The following LARGE1 variants were observed in gnomAD, a reference collection of about 807,000 sequenced individuals.
LARGE1 encodes LARGE xylosyl- and glucuronyltransferase 1.
LARGE1 carries 43 observed loss-of-function variants against 87.6 expected under a neutral mutation model. The ratio of observed to expected loss-of-function variants is 0.49; its 90% CI spans 0.38 to 0.63. The LOEUF (loss-of-function observed/expected upper bound fraction) is 0.63. Ranked by LOEUF, LARGE1 falls within the 30% of genes least tolerant of loss-of-function variation. The probability of loss-of-function intolerance (pLI) is 0.00; values close to 1 mark genes in which losing one functional copy is unlikely to be tolerated. For synonymous variants in LARGE1, 434 were observed against 394.6 expected, an observed-to-expected ratio of 1.10 and a Z score of -1.18; for missense variants, 802 against 1,000.2, an observed-to-expected ratio of 0.80 and a Z score of 2.67.
At chr22:33,279,854 G>T (rs1263086366) in intron 13 of LARGE1, among the ~76,000 whole-genome samples, 1 of 152,214 alleles carries the variant, frequency 6.6e-6, no homozygotes, top group African/African-American at 2.4e-5. Flanking sequence ...ACAGCTGATG[G>T]CCGTGAACTT....
At position 33,362,954 on chromosome 22, in the gene LARGE1, T is replaced by C. The variant is rs1314595537; in HGVS notation, c.1131+18965A>G. 2.7e-5 allele frequency among the ~76,000 whole-genome samples: 4 copies of C among 150,180 alleles called. 1 individual carries two copies. Among genetic ancestry groups the C allele is most frequent in the African/African-American group, 9.8e-5 (4 of 40,832 alleles). ...CATGAGGGTGGTTTATGCAAGATAA[T>C]ACAGCACTCAATTAGCAGATCAAAA... On this transcript the variant is annotated intron_variant, in intron 9 of 14. Coordinates refer to ENST00000397394, the MANE Select transcript of LARGE1 (RefSeq NM_133642.5).
At chr22:33,173,350 A>G (rs1278132037) in intron 11 of LARGE1, among the ~76,000 whole-genome samples, 1 of 152,240 alleles carries the variant, frequency 6.6e-6, no homozygotes, top group East Asian at 1.9e-4. Context: ...CTCCTGAAGG[A>G]AGCATTAAAC....
At position 33,595,477 on chromosome 22, in the gene LARGE1, G is replaced by A. The variant is rs563968524; in HGVS notation, c.615+8958C>T. Among the ~76,000 whole-genome samples the A allele has an allele frequency of 1.9e-4, 29 of 152,294 alleles. 1 individual carries two copies. Among genetic ancestry groups the A allele is most frequent in the Admixed American group, 1.6e-3 (25 of 15,296 alleles). On this transcript the variant is annotated intron_variant, in intron 5 of 14. Transcript: ENST00000397394. ...AGAGAATGTCTCTGTCTATGGGATGGAGACACAATGGGGAGCACATTTAAG... is the reference window on the plus strand; with the variant it reads ...AGAGAATGTCTCTGTCTATGGGATGAAGACACAATGGGGAGCACATTTAAG...
At chr22:33,451,307 G>A (rs950592781) in intron 6 of LARGE1, among the ~76,000 whole-genome samples, 56 of 151,956 alleles carry the variant, frequency 3.7e-4, no homozygotes, top group African/African-American at 1.3e-3. Flanking sequence ...CTATATGCGC[G>A]TAGGTGACCA....
chr22:33,744,190 A>G (rs1047967899), intron 2 of LARGE1: 1 of 152,224 alleles, frequency 6.6e-6, no homozygotes, highest in Non-Finnish European at 1.5e-5. Context: ...AGTATCTGCA[A>G]TTTGCTGAGA....
At chr22:33,840,834 G>C (rs761121894) in intron 1 of LARGE1, among the ~76,000 whole-genome samples, 2 of 152,088 alleles carry the variant, frequency 1.3e-5, no homozygotes, top group Non-Finnish European at 2.9e-5. Flanking sequence ...CGTTGCCCAG[G>C]CTGGTCTCGA....
rs112443867 is a variant in LARGE1 at position 33,377,908 on chromosome 22, C to T, written c.1131+4011G>A. 2.8e-3 allele frequency among the ~76,000 whole-genome samples: 430 copies of T among 152,252 alleles called. 1 individual carries two copies. Among genetic ancestry groups the T allele is most frequent in the Middle Eastern group, 6.8e-3 (2 of 294 alleles). ...CTAAAAATACTATTTAATCCAAATACGGCTATTCATTTTTTGAGAATCTAC... is the reference window on the plus strand; with the variant it reads ...CTAAAAATACTATTTAATCCAAATATGGCTATTCATTTTTTGAGAATCTAC... On this transcript the variant is annotated intron_variant, in intron 9 of 14. Transcript: ENST00000397394.
chr22:33,659,220 CAT>C (rs2081055003), intron 2 of LARGE1, among the ~76,000 whole-genome samples: 2 of 152,172 alleles, frequency 1.3e-5, no homozygotes, highest in Admixed American at 6.5e-5. Context: ...TTTCATTCTC[CAT>C]ATGAGACTAT....
At chr22:33,102,582 C>T in the LARGE1 span, among the ~76,000 whole-genome samples, 2 of 151,434 alleles carry the variant, frequency 1.3e-5, no homozygotes, top group African/African-American at 2.4e-5. Flanking sequence ...CTCCGCCTCC[C>T]GGGTTCAAGT....
At chr22:33,467,095 A>C (rs182939715) in intron 6 of LARGE1, among the ~76,000 whole-genome samples, 18 of 152,278 alleles carry the variant, frequency 1.2e-4, no homozygotes, top group Non-Finnish European at 1.6e-4. Flanking sequence ...CTTATAAAGG[A>C]ATGATATTGT....
intron 6 of LARGE1, among the ~76,000 whole-genome samples, chr22:33,449,219 C>A (rs1273415026): frequency 1.3e-5 from 2 of 152,128 alleles, no homozygotes; most frequent in East Asian, 3.9e-4. Context: ...ATTTGCATAT[C>A]ATTGGAACAT....
At chr22:33,803,993 G>T (rs2086238663) in intron 1 of LARGE1, among the ~76,000 whole-genome samples, 2 of 152,198 alleles carry the variant, frequency 1.3e-5, no homozygotes, top group Admixed American at 6.5e-5. Flanking sequence ...CAGGCCTGTT[G>T]AAGGATGGCA....
chr22:33,350,694 CAGGCACCTTCCGTG>C (rs1940284750), intron 9 of LARGE1, among the ~76,000 whole-genome samples: 1 of 152,172 alleles, frequency 6.6e-6, no homozygotes, highest in Non-Finnish European at 1.5e-5. Context: ...TGGTTCCCAG[CAGGCACCTTCCGTG>C]AGGCCCACTA....
At chr22:33,641,558 AG>A (rs1243836541) in intron 3 of LARGE1, among the ~76,000 whole-genome samples, 1 of 152,234 alleles carries the variant, frequency 6.6e-6, no homozygotes, top group African/African-American at 2.4e-5. Context: ...AGTAGGCTTC[AG>A]AAGCTGGGTA....
At chr22:33,835,605 A>G (rs2146365626) in intron 1 of LARGE1, among the ~76,000 whole-genome samples, 1 of 152,332 alleles carries the variant, frequency 6.6e-6, no homozygotes, top group South Asian at 2.1e-4. Context: ...CATGCTAAAG[A>G]CTTGCTGGCA....
chr22:33,445,785 G>C (rs1056657311), intron 6 of LARGE1, among the ~76,000 whole-genome samples: 52 of 152,050 alleles, frequency 3.4e-4, no homozygotes, highest in African/African-American at 1.1e-3. Context: ...GAGTAGCTGG[G>C]ATTATAGGCG....
chr22:33,218,299 A>T (rs550048282), intron 11 of LARGE1, among the ~76,000 whole-genome samples: 1 of 152,234 alleles, frequency 6.6e-6, no homozygotes, highest in Admixed American at 6.5e-5. Flanking sequence ...ACTCACCTAT[A>T]TATTCCAACC....
At chr22:33,819,715 C>G (rs2086763261) in intron 1 of LARGE1, among the ~76,000 whole-genome samples, 1 of 152,150 alleles carries the variant, frequency 6.6e-6, no homozygotes, top group African/African-American at 2.4e-5. Context: ...AAAGACTGCC[C>G]TGAATCTGAA....
At chr22:33,572,331 G>T in intron 5 of LARGE1, 1 of 413,142 alleles carries the variant, frequency 2.4e-6, no homozygotes, top group Non-Finnish European at 4.0e-6. Flanking sequence ...GTGGGGCGGG[G>T]CTTGAGATGC....
Sources: gnomAD v4.1 joint callset for allele counts (sites outside exome capture counted in the v4.1 genomes callset) on GRCh38, gnomAD v4.1.1 for gene constraint, MANE v1.5 for transcripts, NCBI Gene and HGNC (gene_info 2026-07-23, HGNC 2026-07-21) for gene names.